The following PLS1 variants were observed in gnomAD, a reference collection of about 807,000 sequenced individuals.
PLS1 encodes the protein plastin-1.
In PLS1, 32 loss-of-function variants were observed where a neutral mutation model predicts 73.7. The observed-to-expected ratio is 0.43, with a 90% confidence interval of 0.33 to 0.58. The LOEUF is 0.58. PLS1 is among the 20% of genes least tolerant of loss of function. The pLI, the probability that PLS1 is intolerant of heterozygous loss-of-function variation, is 0.04. For synonymous variants in PLS1, 217 were observed against 261.3 expected (o/e 0.83, Z 1.63); for missense variants, 633 against 740.5 (o/e 0.85, Z 1.68).
At chr3:142,636,055 ATT>A (rs34619105) in intron 1 of PLS1, among the ~76,000 whole-genome samples, 56 of 147,942 alleles carry the variant, frequency 3.8e-4, no homozygotes, top group Non-Finnish European at 4.9e-4. Context: ...ACACCTGCTA[ATT>A]TTTTTTTTTT....
At chr3:142,689,302 T>TAATCCCAGCTACTCA (rs2038036819) in intron 9 of PLS1, among the ~76,000 whole-genome samples, 1 of 152,040 alleles carries the variant, frequency 6.6e-6, no homozygotes, top group Admixed American at 6.5e-5. Context: ...CATGTGTCTG[T>TAATCCCAGCTACTCA]AATCCCAGCT....
At chr3:142,610,430 C>T (rs950391004) in intron 1 of PLS1, among the ~76,000 whole-genome samples, 4 of 152,062 alleles carry the variant, frequency 2.6e-5, no homozygotes, top group African/African-American at 9.7e-5. Flanking sequence ...TACTGTGATT[C>T]GGATCATACT....
intron 1 of PLS1, among the ~76,000 whole-genome samples, chr3:142,598,444 C>T (rs1327101144): frequency 6.6e-6 from 1 of 152,164 alleles, no homozygotes; most frequent in African/African-American, 2.4e-5. Flanking sequence ...AAGTCCATTT[C>T]TGATTCCTCA....
intron 1 of PLS1, among the ~76,000 whole-genome samples, chr3:142,602,009 C>G (rs1442772916): frequency 3.3e-5 from 5 of 151,956 alleles, no homozygotes; most frequent in Admixed American, 1.3e-4. Flanking sequence ...GTAACTCTAA[C>G]AGATGCTTAG....
At chr3:142,705,489 GTTTTGC>G (rs2038441097) in intron 14 of PLS1, among the ~76,000 whole-genome samples, 1 of 152,142 alleles carries the variant, frequency 6.6e-6, no homozygotes, top group African/African-American at 2.4e-5. Flanking sequence ...TTTCCATTGT[GTTTTGC>G]TTTTGCATGC....
chr3:142,677,850 C>G (rs1018962840), intron 5 of PLS1, among the ~76,000 whole-genome samples, 182 bp from the exon 6 acceptor site: 1 of 152,046 alleles, frequency 6.6e-6, no homozygotes, highest in East Asian at 1.9e-4. Context: ...GCCTCAAACT[C>G]TTGGGCTCAG....
At chr3:142,709,564 CCCACCACGGTGGG>C (rs1933013511) in intron 14 of PLS1, among the ~76,000 whole-genome samples, 1 of 152,168 alleles carries the variant, frequency 6.6e-6, no homozygotes, top group Non-Finnish European at 1.5e-5. Flanking sequence ...GGCCTGTAAT[CCCACCACGGTGGG>C]AGGCCGAGGC....
chr3:142,647,956 G>A (rs2036995494), intron 1 of PLS1, among the ~76,000 whole-genome samples: 1 of 152,166 alleles, frequency 6.6e-6, no homozygotes, highest in Admixed American at 6.5e-5. Flanking sequence ...CAGTGAGAAA[G>A]AACTGCAATT....
intron 10 of PLS1, among the ~76,000 whole-genome samples, chr3:142,692,366 A>AG (rs904107871): frequency 1.5e-4 from 23 of 152,082 alleles, no homozygotes; most frequent in Non-Finnish European, 2.6e-4. Context: ...TATCAGATCT[A>AG]GGGGGAAAAA....
chr3:142,694,368 C>A, intron 10 of PLS1, 101 bp from the exon 11 acceptor site: 1 of 594,624 alleles, frequency 1.7e-6, no homozygotes, highest in Non-Finnish European at 2.9e-6. Context: ...AGAACCATGG[C>A]AAGGTAGGTT....
At chr3:142,664,642 T>C (rs2037438093) in intron 2 of PLS1, among the ~76,000 whole-genome samples, 1 of 152,356 alleles carries the variant, frequency 6.6e-6, no homozygotes, top group East Asian at 1.9e-4. Context: ...AACTGAACTC[T>C]GGCCTTCACA....
Position 142,689,647 on chromosome 3 carries a change from C to T in PLS1, c.1011C>T (p.Leu337=), listed in dbSNP as rs769476359. The change falls in exon 10 of 16, where the codon CTC becomes CTT. Residue 337 remains leucine (L), a synonymous_variant. Coordinates refer to ENST00000457734, the MANE Select transcript of PLS1 (RefSeq NM_001145319.2). ...CAAATGACCTGAAGCGTGCTGGACTCATGCTTCAAGAAGCAGATAAACTGG... is the reference window on the plus strand; with the variant it reads ...CAAATGACCTGAAGCGTGCTGGACTTATGCTTCAAGAAGCAGATAAACTGG... The part of the protein sequence containing the change: ...NETNDLKRAG[L]MLQEADKLGC... 18 of 1,608,660 alleles carry T rather than the reference C, an allele frequency of 1.1e-5. No individual in the cohort carries two copies. The highest frequency in any genetic ancestry group is 1.7e-4 in the Middle Eastern group (1 of 6,032).
intron 11 of PLS1, among the ~76,000 whole-genome samples, chr3:142,695,003 G>A (rs1225461153): frequency 6.6e-6 from 1 of 151,572 alleles, no homozygotes; most frequent in Non-Finnish European, 1.5e-5. Flanking sequence ...ATTCTTTCTT[G>A]TTTAAAAAAT....
chr3:142,704,565 G>T lies in PLS1; in HGVS notation c.1608G>T (p.Lys536Asn), dbSNP rs1045806137. Residue 536 changes from lysine to asparagine, a missense_variant, in exon 14 of 16, where the codon AAG (lysine) becomes AAT (asparagine). Physicochemically the swap from Lys to Asn is moderately conservative, Grantham distance 94. Transcript: ENST00000457734. ...VNQTLKSANKKTSISSFKDKS... is the reference protein window; with the variant it reads ...VNQTLKSANKNTSISSFKDKS... The stretch of plus-strand genomic sequence containing the variant: ...AGACTCTTAAAAGTGCAAACAAAAA[G>T]ACTTCTATTTCCAGCTTCAAGGTAA... The T allele has an allele frequency of 1.8e-5, 27 of 1,518,056 alleles. 1 individual carries two copies. Among genetic ancestry groups the T allele is most frequent in the Non-Finnish European group, 2.4e-5 (27 of 1,125,800 alleles). The allele number at this position is 1,518,056 out of a possible 1,614,324, so 94.0% of individuals were successfully genotyped here.
At chr3:142,616,535 G>A (rs1000419112) in intron 1 of PLS1, among the ~76,000 whole-genome samples, 2 of 152,104 alleles carry the variant, frequency 1.3e-5, no homozygotes, top group Admixed American at 1.3e-4. Flanking sequence ...AGCATGGACT[G>A]CAGTACTATT....
At chr3:142,662,288 T>C (rs1045835846) in intron 1 of PLS1, among the ~76,000 whole-genome samples, 6 of 152,134 alleles carry the variant, frequency 3.9e-5, no homozygotes, top group African/African-American at 1.4e-4. Flanking sequence ...CTGGAAACCA[T>C]CATTCTCAGC....
chr3:142,643,561 G>A (rs1324388783), intron 1 of PLS1, among the ~76,000 whole-genome samples: 1 of 152,128 alleles, frequency 6.6e-6, no homozygotes, highest in Non-Finnish European at 1.5e-5. Flanking sequence ...GCAAGGCTAC[G>A]CTCACTGATG....
At chr3:142,659,855 C>T (rs2107815601) in intron 1 of PLS1, among the ~76,000 whole-genome samples, 1 of 152,138 alleles carries the variant, frequency 6.6e-6, no homozygotes, top group African/African-American at 2.4e-5. Flanking sequence ...TGCCACCACG[C>T]CTGGCTAATT....
chr3:142,600,209 T>C (rs533506245), intron 1 of PLS1, among the ~76,000 whole-genome samples: 20 of 152,118 alleles, frequency 1.3e-4, no homozygotes, highest in African/African-American at 4.8e-4. Flanking sequence ...CAGTTCAAGG[T>C]TGAGTGTACA....
Sources: allele counts gnomAD v4.1 joint callset (sites outside exome capture counted in the v4.1 genomes callset), GRCh38; gene constraint gnomAD v4.1.1; transcripts MANE v1.5; gene names NCBI Gene and HGNC (gene_info 2026-07-23, HGNC 2026-07-21).